Variants in B4GALT1 observed in about 807,000 individuals in gnomAD.
B4GALT1 encodes the protein N-acetyllactosamine synthase.
In B4GALT1, 16 loss-of-function variants were observed where a neutral mutation model predicts 34.9. The observed-to-expected ratio is 0.46, with a 90% CI of 0.31 to 0.70. B4GALT1 has a LOEUF of 0.70. Among genes scored for constraint, B4GALT1 ranks in the 30% least tolerant of loss-of-function variants. The pLI is 0.05. For missense variants in B4GALT1, 445 were observed against 530.5 expected, an observed-to-expected ratio of 0.84 and a Z score of 1.58; for synonymous variants, 221 against 218.1, an observed-to-expected ratio of 1.01 and a Z score of -0.12.
At chr9:33,113,665 C>T in intron 5 of B4GALT1, 79 bp from the exon 6 acceptor site, 2 of 1,609,238 alleles carry the variant, frequency 1.2e-6, no homozygotes, top group Non-Finnish European at 1.7e-6. Context: ...TTCCTCCTCC[C>T]TCTCCACTGT....
chr9:33,153,417 C>G (rs1840550832), intron 1 of B4GALT1, among the ~76,000 whole-genome samples: 1 of 151,932 alleles, frequency 6.6e-6, no homozygotes, highest in Non-Finnish European at 1.5e-5. Context: ...ACAAAGAGAA[C>G]AAATAATGAA....
intron 1 of B4GALT1, among the ~76,000 whole-genome samples, chr9:33,163,100 G>A (rs974753679): frequency 2.2e-4 from 33 of 152,116 alleles, no homozygotes; most frequent in African/African-American, 7.2e-4. Context: ...CCAAAAGGGC[G>A]AGAGAGAGTC....
chr9:33,173,013 A>G, the B4GALT1 span, among the ~76,000 whole-genome samples: 6 of 152,174 alleles, frequency 3.9e-5, no homozygotes, highest in Non-Finnish European at 8.8e-5. Flanking sequence ...GGACCTGAGC[A>G]TGGTAGGAAG....
intron 3 of B4GALT1, among the ~76,000 whole-genome samples, chr9:33,118,882 GAC>G (rs1169179522): frequency 2.3e-5 from 3 of 130,020 alleles, no homozygotes; most frequent in African/African-American, 1.0e-4. Context: ...CTTTCTCTGA[GAC>G]AGAGTCTTGC....
intron 1 of B4GALT1, among the ~76,000 whole-genome samples, chr9:33,146,403 T>A (rs10738908): frequency 0.48 from 72,699 of 151,740 alleles, 18,036 homozygotes; most frequent in East Asian, 0.71. Flanking sequence ...CTCAGAAAGG[T>A]TTAGAATGGT....
chr9:33,106,145 C>T (rs972082555), downstream of B4GALT1, among the ~76,000 whole-genome samples: 2 of 152,152 alleles, frequency 1.3e-5, no homozygotes, highest in Non-Finnish European at 2.9e-5. Context: ...AACATCAGAT[C>T]CAATTTCTGC....
intron 2 of B4GALT1, 26 bp downstream of exon 2, chr9:33,135,163 T>C: frequency 1.9e-6 from 3 of 1,597,486 alleles, no homozygotes; most frequent in Non-Finnish European, 2.6e-6. Flanking sequence ...ACACACCCTC[T>C]CTCATTCCAC....
chr9:33,113,937 C>A, intron 4 of B4GALT1, 59 bp from the exon 5 acceptor site: 1 of 1,499,508 alleles, frequency 6.7e-7, no homozygotes, highest in South Asian at 1.1e-5. Flanking sequence ...GGCCTGAGAG[C>A]CCCGGCTGCA....
Position 33,149,333 on chromosome 9 carries a change from T to G in B4GALT1, c.413-13909A>C, listed in dbSNP as rs558709986. Among the ~76,000 whole-genome samples the G allele has an allele frequency of 9.9e-5, 15 of 151,890 alleles. No homozygotes were observed. The South Asian group carries it at 3.1e-3, about 32-fold the overall frequency. ...TCTCACTCTGTCACCCTGGCTAGAG[T>G]GCAGTGGCGTGATTTCAGCTCACTG... is the stretch of plus-strand genomic sequence containing the variant. On this transcript the variant is annotated intron_variant, in intron 1 of 5. Transcript: ENST00000379731.
rs1839890638 is a variant in B4GALT1 at position 33,113,308 on chromosome 9, T to C, written c.*146A>G. The C allele has an allele frequency of 3.2e-6, 4 of 1,231,542 alleles. No individual in the cohort carries two copies. Among genetic ancestry groups the C allele is most frequent in the Non-Finnish European group, 4.8e-6 (4 of 841,138 alleles). 76.3% of individuals were successfully genotyped at this position (1,231,542 alleles called of 1,614,324 possible). The stretch of plus-strand genomic sequence containing the variant: ...GGGCAAAATATCCCACTCGTCCTGG[T>C]CATCTGGAAAGCCATCTGAATGATG... On this transcript the variant is annotated 3_prime_UTR_variant, in exon 6 of 6. Coordinates refer to ENST00000379731, the MANE Select transcript of B4GALT1 (RefSeq NM_001497.4).
At chr9:33,108,447 TAA>T (rs60251768), downstream of B4GALT1, among the ~76,000 whole-genome samples, 3 of 142,216 alleles carry the variant, frequency 2.1e-5, no homozygotes, top group Non-Finnish European at 3.0e-5. Flanking sequence ...ACTCTGTCTC[TAA>T]AAAAAAAAAA....
At chr9:33,176,989 G>T in the B4GALT1 span, among the ~76,000 whole-genome samples, 1 of 152,098 alleles carries the variant, frequency 6.6e-6, no homozygotes, top group Non-Finnish European at 1.5e-5. Context: ...TACGGGGAAG[G>T]TCTTAGAATT....
Position 33,135,241 on chromosome 9 carries a change from T to A in B4GALT1, c.596A>T (p.His199Leu). 1 of 1,614,082 alleles carries A rather than the reference T, an allele frequency of 6.2e-7. No individual in the cohort carries two copies. The highest frequency in any genetic ancestry group is 1.1e-5 in the South Asian group (1 of 91,082). Residue 199 changes from histidine (H) to leucine (L), a missense_variant, in exon 2 of 6, where the codon CAC becomes CTC. Transcript: ENST00000379731. ...CAGCTGCTGGCGCTGCAGGACTGGGTGCAAATAATATAGCCAGTACTTGAG... is the reference window on the plus strand; with the variant it reads ...CAGCTGCTGGCGCTGCAGGACTGGGAGCAAATAATATAGCCAGTACTTGAG... ...EHLKYWLYYLHPVLQRQQLDY... is the reference protein window; with the variant it reads ...EHLKYWLYYLLPVLQRQQLDY...
intron 2 of B4GALT1, among the ~76,000 whole-genome samples, chr9:33,134,854 C>T (rs1242605099): frequency 6.6e-6 from 1 of 152,224 alleles, no homozygotes; most frequent in Non-Finnish European, 1.5e-5. Context: ...GGAAAATACA[C>T]AGCTACACAA....
chr9:33,148,085 T>C (rs1840455496), intron 1 of B4GALT1, among the ~76,000 whole-genome samples: 1 of 151,878 alleles, frequency 6.6e-6, no homozygotes. Flanking sequence ...AGAAGATATC[T>C]GCAATGTCTG....
At position 33,159,028 on chromosome 9, in the gene B4GALT1, G is replaced by A. The variant is rs535331438; in HGVS notation, c.412+7730C>T. Among the ~76,000 whole-genome samples, 3 of 152,210 alleles carry A rather than the reference G, an allele frequency of 2.0e-5. No homozygotes were observed. In the East Asian group the frequency reaches 5.8e-4, roughly 29 times the overall value. Reference sequence around the variant, plus strand: ...CAGAGTACTCCTCTAAATGTCAGGCGCTACCCAACACCTTAATACCACATC... The same window carrying A: ...CAGAGTACTCCTCTAAATGTCAGGCACTACCCAACACCTTAATACCACATC... On this transcript the variant is annotated intron_variant, in intron 1 of 5. Transcript: ENST00000379731.
chr9:33,182,999 C>G, the B4GALT1 span, among the ~76,000 whole-genome samples: 1 of 152,190 alleles, frequency 6.6e-6, no homozygotes, highest in Non-Finnish European at 1.5e-5. Context: ...ATTCAGATAA[C>G]ATGTACAGTA....
the B4GALT1 span, among the ~76,000 whole-genome samples, chr9:33,175,011 AT>A: frequency 2.0e-4 from 16 of 78,546 alleles, 1 homozygote; most frequent in East Asian, 1.3e-3. Flanking sequence ...ATATATATAT[AT>A]ATATATATAA....
intron 4 of B4GALT1, 138 bp downstream of exon 4, chr9:33,115,852 GA>G: frequency 8.9e-7 from 1 of 1,127,216 alleles, no homozygotes; most frequent in Admixed American, 1.8e-5. Flanking sequence ...GGACCTGTAG[GA>G]AGCCACACCT....
Sources: gnomAD v4.1 joint callset for allele counts (sites outside exome capture counted in the v4.1 genomes callset) on GRCh38, gnomAD v4.1.1 for gene constraint, MANE v1.5 for transcripts, NCBI Gene and HGNC (gene_info 2026-07-23, HGNC 2026-07-21) for gene names.